The following LPAR1 variants were observed in gnomAD, a reference collection of about 807,000 sequenced individuals.
LPAR1 encodes lysophosphatidic acid receptor 1.
Under a neutral mutation model 23.8 loss-of-function variants are expected in LPAR1, and 5 were observed. The observed-to-expected ratio is 0.21, with a 90% confidence interval of 0.11 to 0.44. The LOEUF (loss-of-function observed/expected upper bound fraction) is 0.44. Among genes scored for constraint, LPAR1 ranks in the 20% least tolerant of loss-of-function variants. The pLI is 0.99. For synonymous variants in LPAR1, 160 were observed against 164.7 expected (o/e 0.97, Z 0.22); for missense variants, 311 against 482.8 (o/e 0.64, Z 3.33).
At chr9:110,912,150 T>C (rs2092533083) in intron 5 of LPAR1, among the ~76,000 whole-genome samples, 1 of 152,202 alleles carries the variant, frequency 6.6e-6, no homozygotes, top group African/African-American at 2.4e-5. Flanking sequence ...AGTTTTTAAA[T>C]ACTTAATAAT....
At chr9:111,012,848 G>A (rs2097360241) in intron 2 of LPAR1, among the ~76,000 whole-genome samples, 1 of 152,038 alleles carries the variant, frequency 6.6e-6, no homozygotes, top group Non-Finnish European at 1.5e-5. Context: ...AAGAAGGAAG[G>A]AAAATTTCGT....
intron 5 of LPAR1, among the ~76,000 whole-genome samples, chr9:110,940,646 G>T (rs1349208243): frequency 6.6e-6 from 1 of 152,182 alleles, no homozygotes; most frequent in Non-Finnish European, 1.5e-5. Context: ...GGAAATGTCT[G>T]TATCTGTCCT....
intron 5 of LPAR1, among the ~76,000 whole-genome samples, chr9:110,924,176 T>C (rs73655682): frequency 0.016 from 2,455 of 151,700 alleles, 58 homozygotes; most frequent in African/African-American, 0.056. Flanking sequence ...TAAGTCATTA[T>C]GATTCATTAC....
intron 2 of LPAR1, among the ~76,000 whole-genome samples, chr9:110,985,348 A>G (rs1163529915): frequency 2.6e-5 from 4 of 152,214 alleles, no homozygotes; most frequent in African/African-American, 9.6e-5. Context: ...TTTTCCACAA[A>G]TAAGATCAGT....
chr9:110,984,759 T>C (rs1034076353), intron 2 of LPAR1, among the ~76,000 whole-genome samples: 1 of 147,316 alleles, frequency 6.8e-6, no homozygotes, highest in African/African-American at 2.5e-5. Context: ...ATACCTGTGA[T>C]AGTAACGGTG....
At position 111,011,932 on chromosome 9, in the gene LPAR1, T is replaced by C. The variant is rs142582445; in HGVS notation, c.-182+24190A>G. 1.4e-4 allele frequency among the ~76,000 whole-genome samples: 21 copies of C among 152,308 alleles called. No homozygotes were observed. The East Asian group carries it at 4.1e-3, about 29-fold the overall frequency. On this transcript the variant is annotated intron_variant, in intron 2 of 5. Transcript: ENST00000683809. ...AATCCACTGTTTCTCAAAGAACATG[T>C]GGCCCACCAGTTGTCTGTTAAAAAT...
chr9:110,960,760 T>C (rs2137294602), intron 4 of LPAR1, among the ~76,000 whole-genome samples: 1 of 152,352 alleles, frequency 6.6e-6, no homozygotes, highest in East Asian at 1.9e-4. Context: ...TCACCTTTTA[T>C]ATGTTGAACA....
At chr9:110,933,604 A>C (rs2094522950) in intron 5 of LPAR1, among the ~76,000 whole-genome samples, 1 of 152,180 alleles carries the variant, frequency 6.6e-6, no homozygotes. Flanking sequence ...ATCTTACTCC[A>C]GATCTAAACT....
At position 110,875,510 on chromosome 9, in the gene LPAR1, C is replaced by G. The variant is rs142117056; in HGVS notation, c.1006G>C (p.Gly336Arg). The change falls in exon 6 of 6, where the codon GGC (glycine) becomes CGC (arginine). Residue 336 changes from glycine (G) to arginine (R), a missense_variant. Transcript: ENST00000683809. ...GAGCGGTCTGAGCCTTCTGTGGGGCCGGTGGGGTTCTCACTGCGCTGGCAG... is the reference window on the plus strand; with the variant it reads ...GAGCGGTCTGAGCCTTCTGTGGGGCGGGTGGGGTTCTCACTGCGCTGGCAG... ...LCCQRSENPT[G>R]PTEGSDRSAS... 3 of 1,614,068 alleles carry G rather than the reference C, an allele frequency of 1.9e-6. No homozygotes were observed. Among genetic ancestry groups the G allele is most frequent in the Non-Finnish European group, 1.7e-6 (2 of 1,179,970 alleles).
upstream of LPAR1, chr9:111,038,542 C>G (rs1229040641): frequency 2.2e-6 from 1 of 446,338 alleles, no homozygotes; most frequent in African/African-American, 2.0e-5. This position sits in a 1 kb window ranked among gnomAD's most constrained non-coding sequence, Gnocchi z 4.4. Flanking sequence ...CGACGCCAGC[C>G]TCCTCTCTTC....
At chr9:111,006,961 C>T (rs559668794) in intron 2 of LPAR1, among the ~76,000 whole-genome samples, 1 of 152,156 alleles carries the variant, frequency 6.6e-6, no homozygotes, top group South Asian at 2.1e-4. Flanking sequence ...GGTTCTGGAA[C>T]ATTCTCTTGG....
chr9:110,915,382 C>T (rs2092966555), intron 5 of LPAR1, among the ~76,000 whole-genome samples: 1 of 141,092 alleles, frequency 7.1e-6, no homozygotes, highest in Non-Finnish European at 1.7e-5. Flanking sequence ...ACTAAAAATA[C>T]AAAACTTAGC....
chr9:110,904,724 TA>T (rs2090604513), intron 5 of LPAR1, among the ~76,000 whole-genome samples: 1 of 152,296 alleles, frequency 6.6e-6, no homozygotes, highest in Admixed American at 6.5e-5. Flanking sequence ...ATCTTTGAAA[TA>T]GGAGTGGCTG....
intron 5 of LPAR1, among the ~76,000 whole-genome samples, chr9:110,917,521 A>G (rs1440409528): frequency 6.6e-6 from 1 of 152,154 alleles, no homozygotes; most frequent in East Asian, 1.9e-4. Context: ...CTTTCATTGA[A>G]CTGCACTTTG....
intron 5 of LPAR1, among the ~76,000 whole-genome samples, chr9:110,898,350 T>A (rs1407835862): frequency 6.6e-6 from 1 of 152,222 alleles, no homozygotes; most frequent in African/African-American, 2.4e-5. Context: ...TTCATCTACA[T>A]ATGAAGTAAA....
chr9:110,992,662 A>G (rs2096919061), intron 2 of LPAR1, among the ~76,000 whole-genome samples: 1 of 152,206 alleles, frequency 6.6e-6, no homozygotes, highest in South Asian at 2.1e-4. Flanking sequence ...ATAAAAACAA[A>G]TGAACTACTG....
rs567193966 is a variant in LPAR1 at position 110,926,729 on chromosome 9, T to C, written c.793+14692A>G. 1.2e-4 allele frequency among the ~76,000 whole-genome samples: 18 copies of C among 152,326 alleles called. No homozygotes were observed. The East Asian group carries it at 3.5e-3, about 29-fold the overall frequency. On this transcript the variant is annotated intron_variant, in intron 5 of 5. Transcript: ENST00000683809. ...TCCCCTAACTCTCCTTTCCTTTCCT[T>C]TTCCCTTCTGATCCTCTCCCCTGTA...
At chr9:110,939,246 C>A (rs1003754161) in intron 5 of LPAR1, among the ~76,000 whole-genome samples, 10 of 152,190 alleles carry the variant, frequency 6.6e-5, no homozygotes, top group African/African-American at 2.4e-4. Context: ...ATTGTGACTT[C>A]CCCATTCTAA....
intron 2 of LPAR1, among the ~76,000 whole-genome samples, chr9:111,016,730 G>A (rs1201529552): frequency 6.6e-6 from 1 of 152,156 alleles, no homozygotes; most frequent in South Asian, 2.1e-4. Flanking sequence ...ATATTCATAG[G>A]AAACATCCTG....
Sources: allele counts gnomAD v4.1 joint callset (sites outside exome capture counted in the v4.1 genomes callset), GRCh38; gene constraint gnomAD v4.1.1; non-coding constraint Gnocchi (gnomAD v3.1); transcripts MANE v1.5; gene names NCBI Gene and HGNC (gene_info 2026-07-23, HGNC 2026-07-21).